The following AKNAD1 variants were observed in gnomAD, a reference collection of about 807,000 sequenced individuals.
The protein encoded by AKNAD1 is AKNA domain containing 1.
Under a neutral mutation model 90.8 loss-of-function variants are expected in AKNAD1, and 67 were observed. The observed-to-expected ratio is 0.74, with a 90% CI of 0.61 to 0.90. The LOEUF (loss-of-function observed/expected upper bound fraction) is 0.90, where lower values mean the gene tolerates loss of function less well. Among genes scored for constraint, AKNAD1 ranks in the 40% least tolerant of loss-of-function variants. The pLI, the probability that AKNAD1 is intolerant of heterozygous loss-of-function variation, is 0.00. For missense variants in AKNAD1, 957 were observed against 975.4 expected, an observed-to-expected ratio of 0.98 and a Z score of 0.25; for synonymous variants, 327 against 341.4, an observed-to-expected ratio of 0.96 and a Z score of 0.46.
At chr1:108,836,419 G>A (rs1253880606) in intron 7 of AKNAD1, among the ~76,000 whole-genome samples, 1 of 151,814 alleles carries the variant, frequency 6.6e-6, no homozygotes, top group African/African-American at 2.4e-5. Context: ...AGAGACAAAC[G>A]AGACCCAGTG....
intron 6 of AKNAD1, among the ~76,000 whole-genome samples, chr1:108,837,980 G>A (rs1274441650): frequency 6.6e-6 from 1 of 152,012 alleles, no homozygotes; most frequent in Admixed American, 6.6e-5. Context: ...TAACAATATT[G>A]TACCTTACTT....
intron 9 of AKNAD1, among the ~76,000 whole-genome samples, chr1:108,832,198 G>C (rs189510704): frequency 1.8e-4 from 27 of 149,554 alleles, no homozygotes; most frequent in Admixed American, 7.3e-4. Flanking sequence ...CTATCTGACT[G>C]GTATGCTGTG....
chr1:108,821,960 G>A (rs1210513744), intron 13 of AKNAD1, among the ~76,000 whole-genome samples: 1 of 152,122 alleles, frequency 6.6e-6, no homozygotes, highest in Admixed American at 6.5e-5. Flanking sequence ...GTTGGACAAA[G>A]GATGCTGGGA....
chr1:108,849,993 A>G (rs1021864668), intron 2 of AKNAD1, among the ~76,000 whole-genome samples: 8 of 152,210 alleles, frequency 5.3e-5, no homozygotes, highest in Admixed American at 1.3e-4. Context: ...GGTAGGGACC[A>G]TGGCTGGTCT....
intron 5 of AKNAD1, among the ~76,000 whole-genome samples, chr1:108,848,340 A>C (rs934743237): frequency 1.3e-5 from 2 of 152,188 alleles, no homozygotes; most frequent in Non-Finnish European, 2.9e-5. Context: ...GACCTGAAAA[A>C]CATTGCTTCA....
chr1:108,856,008 C>T (rs913599140), intron 1 of AKNAD1, among the ~76,000 whole-genome samples: 1 of 151,480 alleles, frequency 6.6e-6, no homozygotes, highest in Admixed American at 6.6e-5. Context: ...CACACCACCA[C>T]ACCTGACTAA....
chr1:108,827,281 C>T lies in AKNAD1; in HGVS notation c.1860G>A (p.Lys620=). 6.2e-7 allele frequency: 1 copy of T among 1,610,818 alleles called. No homozygotes were observed. ...TTCCACAGTTGATCCTTCCGTGGCC[C>T]TTTTTCTCCACGTTTTGCTTCCTAA... The part of the protein sequence containing the change: ...LLEWKQNVEK[K]GHGRINCGRF... The change falls in exon 11 of 16, where the codon AAG becomes AAA. Residue 620 remains lysine (K), a synonymous_variant. Transcript: ENST00000370001.
intron 13 of AKNAD1, chr1:108,823,156 C>T (rs1450421615): frequency 1.5e-5 from 11 of 717,898 alleles, no homozygotes; most frequent in Non-Finnish European, 2.9e-5. Flanking sequence ...TCCTTGGTCA[C>T]TGCGATTTCA....
intron 9 of AKNAD1, 94 bp downstream of exon 9, chr1:108,834,353 A>G (rs964353082): frequency 4.7e-6 from 5 of 1,065,610 alleles, no homozygotes; most frequent in Middle Eastern, 2.5e-4. Context: ...GATCTTGATT[A>G]TGCCAATTTC....
chr1:108,818,651 GAC>G (rs1663708098), intron 14 of AKNAD1, among the ~76,000 whole-genome samples: 1 of 152,114 alleles, frequency 6.6e-6, no homozygotes, highest in Non-Finnish European at 1.5e-5. Flanking sequence ...CCTGCCCAAG[GAC>G]ACAGAACCAA....
intron 1 of AKNAD1, among the ~76,000 whole-genome samples, chr1:108,853,136 C>CTTTT (rs889504364): frequency 1.5e-5 from 2 of 133,548 alleles, no homozygotes; most frequent in Admixed American, 7.5e-5. Context: ...TTTCTTTTTT[C>CTTTT]TTTTTTTTTT....
In AKNAD1 at chr1:108,843,281, G is replaced by A. The variant is rs188595091; in HGVS notation, c.1246-14C>T. On this transcript the variant is annotated splice_polypyrimidine_tract_variant and intron_variant, in intron 5 of 15. Transcript: ENST00000370001. ...TTTCTCCAGGACCTGCAGCGGTGAA[G>A]TCACTGGAATCATTCACATGCAAGC... 276 of 1,612,642 alleles carry A rather than the reference G, an allele frequency of 1.7e-4. No homozygotes were observed. Among genetic ancestry groups the A allele is most frequent in the Non-Finnish European group, 2.2e-4 (260 of 1,179,644 alleles).
At chr1:108,854,245 C>T (rs1467285806) in intron 1 of AKNAD1, among the ~76,000 whole-genome samples, 1 of 152,172 alleles carries the variant, frequency 6.6e-6, no homozygotes, top group Non-Finnish European at 1.5e-5. Flanking sequence ...GATTTGTGAA[C>T]TTTTGGGATG....
At chr1:108,838,522 A>G (rs1191874940) in intron 6 of AKNAD1, among the ~76,000 whole-genome samples, 1 of 152,122 alleles carries the variant, frequency 6.6e-6, no homozygotes, top group Non-Finnish European at 1.5e-5. Flanking sequence ...TGGGGGAAAA[A>G]ATCAAAAATC....
At chr1:108,842,725 A>G (rs899064404) in intron 6 of AKNAD1, among the ~76,000 whole-genome samples, 2 of 152,136 alleles carry the variant, frequency 1.3e-5, no homozygotes, top group African/African-American at 2.4e-5. Context: ...GGAGAGATAG[A>G]TAAGAGAGGA....
At chr1:108,848,701 C>G (rs767188446) in intron 5 of AKNAD1, 51 bp downstream of exon 5, 3 of 1,490,162 alleles carry the variant, frequency 2.0e-6, no homozygotes, top group Non-Finnish European at 2.8e-6. Flanking sequence ...TTATCTTTAT[C>G]CAAGCCATAT....
Position 108,823,492 on chromosome 1 carries a change from T to A in AKNAD1, c.2060-15A>T. 1 of 1,612,418 alleles carries A rather than the reference T, an allele frequency of 6.2e-7. No homozygotes were observed. The highest frequency in any genetic ancestry group is 8.5e-7 in the Non-Finnish European group (1 of 1,178,442). On this transcript the variant is annotated splice_polypyrimidine_tract_variant and intron_variant, in intron 12 of 15. Transcript: ENST00000370001. ...ATAATGAAATTCTGGGAAGAAAAGA[T>A]TAAAAATACAGTTAATTGCCTGGGA...
intron 1 of AKNAD1, among the ~76,000 whole-genome samples, chr1:108,856,370 A>G (rs181092811): frequency 6.6e-6 from 1 of 152,140 alleles, no homozygotes; most frequent in Admixed American, 6.6e-5. Flanking sequence ...ATTAATTAAA[A>G]CTGATAAAAT....
At chr1:108,833,016 T>TG (rs1291750303) in intron 9 of AKNAD1, among the ~76,000 whole-genome samples, 1 of 152,176 alleles carries the variant, frequency 6.6e-6, no homozygotes, top group Non-Finnish European at 1.5e-5. Flanking sequence ...GCATGTCAAA[T>TG]GATGTTACCT....
Sources: gnomAD v4.1 joint callset for allele counts (sites outside exome capture counted in the v4.1 genomes callset) on GRCh38, gnomAD v4.1.1 for gene constraint, MANE v1.5 for transcripts, NCBI Gene and HGNC (gene_info 2026-07-23, HGNC 2026-07-21) for gene names.